The following PAWR variants were observed in gnomAD, a reference collection of about 807,000 sequenced individuals.
PAWR encodes PRKC apoptosis WT1 regulator protein.
Under a neutral mutation model 32.0 loss-of-function variants are expected in PAWR, and 23 were observed. The ratio of observed to expected loss-of-function variants is 0.72; its 90% CI spans 0.52 to 1.02. The LOEUF (loss-of-function observed/expected upper bound fraction) is 1.02, where lower values mean the gene tolerates loss of function less well. Ranked by LOEUF, PAWR falls within the 50% of genes least tolerant of loss-of-function variation. The pLI is 0.00. For missense variants in PAWR, 457 were observed against 437.7 expected (o/e 1.04, Z -0.39); for synonymous variants, 226 against 187.1 (o/e 1.21, Z -1.70).
At chr12:79,650,265 A>T (rs1876776468) in intron 2 of PAWR, among the ~76,000 whole-genome samples, 1 of 152,214 alleles carries the variant, frequency 6.6e-6, no homozygotes, top group Non-Finnish European at 1.5e-5. Context: ...GACACATTTT[A>T]AGCAAATTTT....
chr12:79,599,742 G>C (rs1185576186), intron 4 of PAWR, among the ~76,000 whole-genome samples: 1 of 152,134 alleles, frequency 6.6e-6, no homozygotes, highest in Non-Finnish European at 1.5e-5. Flanking sequence ...AGCTATCATG[G>C]TGTTGCTGGA....
rs80304600 is a variant in PAWR at position 79,645,967 on chromosome 12, T to A, written c.517-24760A>T. Among the ~76,000 whole-genome samples the A allele has an allele frequency of 3.3e-3, 509 of 152,320 alleles. 2 individuals are homozygous for A. The highest frequency in any genetic ancestry group is 0.011 in the African/African-American group (470 of 41,574). On this transcript the variant is annotated intron_variant, in intron 2 of 6. Transcript: ENST00000328827. ...ACTTTAGGCATGTCCCTCCATCTCCTGAGCCTCATTATCTTCAACCATTTT... is the reference window on the plus strand; with the variant it reads ...ACTTTAGGCATGTCCCTCCATCTCCAGAGCCTCATTATCTTCAACCATTTT...
At chr12:79,667,958 C>G (rs1877692561) in intron 2 of PAWR, 1 of 150,414 alleles carries the variant, frequency 6.6e-6, no homozygotes. Flanking sequence ...GGCTGGAGTG[C>G]AAAGGCACGA....
At position 79,585,494 on chromosome 12, in the gene PAWR, A is replaced by G. The variant is rs1197907575; in HGVS notation, c.*7113T>C. On this transcript the variant is annotated 3_prime_UTR_variant, in exon 7 of 7. Coordinates refer to ENST00000328827, the MANE Select transcript of PAWR (RefSeq NM_002583.4). ...AAGTATATCATAACATAAAACCACA[A>G]AACTTTGGACTCAAAGACTAGCTTT... 1 of 174,130 alleles carries G rather than the reference A, an allele frequency of 5.7e-6. No homozygotes were observed. Among genetic ancestry groups the G allele is most frequent in the African/African-American group, 2.4e-5 (1 of 41,658 alleles). The allele number at this position is 174,130 out of a possible 1,614,324, so 10.8% of individuals were successfully genotyped here.
chr12:79,636,656 C>T lies in PAWR; in HGVS notation c.517-15449G>A, dbSNP rs8176844. 4.9e-3 allele frequency among the ~76,000 whole-genome samples: 739 copies of T among 152,132 alleles called. 7 individuals carry two copies. Among genetic ancestry groups the T allele is most frequent in the African/African-American group, 0.017 (702 of 41,522 alleles). On this transcript the variant is annotated intron_variant, in intron 2 of 6. Coordinates refer to ENST00000328827, the MANE Select transcript of PAWR (RefSeq NM_002583.4). The stretch of plus-strand genomic sequence containing the variant: ...GTTTCACATTCCTTTCTCTACTTTC[C>T]CATTTGCTCTTTCTCATAAGTAGTA...
At chr12:79,602,766 G>C (rs535942152) in intron 4 of PAWR, among the ~76,000 whole-genome samples, 4 of 151,356 alleles carry the variant, frequency 2.6e-5, no homozygotes, top group African/African-American at 9.7e-5. Flanking sequence ...ACCATACCTG[G>C]CTAATTTTTT....
chr12:79,678,836 T>A (rs1878297197), intron 2 of PAWR, among the ~76,000 whole-genome samples: 1 of 150,942 alleles, frequency 6.6e-6, no homozygotes, highest in Non-Finnish European at 1.5e-5. Context: ...AAGCCTTTAT[T>A]GACTTCCTTA....
chr12:79,612,681 T>G (rs1323769330), intron 4 of PAWR, among the ~76,000 whole-genome samples: 1 of 152,210 alleles, frequency 6.6e-6, no homozygotes, highest in Non-Finnish European at 1.5e-5. Context: ...GAACTCTATG[T>G]AAAGCAATTT....
At chr12:79,612,300 T>C (rs1057430579) in intron 4 of PAWR, among the ~76,000 whole-genome samples, 4 of 152,168 alleles carry the variant, frequency 2.6e-5, no homozygotes, top group Admixed American at 6.5e-5. Context: ...TTAACTACTC[T>C]TCTGATTATC....
chr12:79,687,434 C>T (rs191812429), intron 2 of PAWR, among the ~76,000 whole-genome samples: 1 of 152,260 alleles, frequency 6.6e-6, no homozygotes, highest in Non-Finnish European at 1.5e-5. Context: ...ACCATTAAAA[C>T]CAGATCTCTA....
intron 4 of PAWR, chr12:79,604,580 T>C: frequency 7.8e-7 from 1 of 1,275,342 alleles, no homozygotes; most frequent in South Asian, 1.3e-5. Context: ...GTACAGGATA[T>C]ATTCTGAAAT....
chr12:79,616,800 C>T (rs1592503470), intron 3 of PAWR, among the ~76,000 whole-genome samples: 1 of 151,820 alleles, frequency 6.6e-6, no homozygotes. Context: ...TAGCTTGATA[C>T]AGTTGATAAA....
rs566689297 is a variant in PAWR, at chr12:79,619,248, ACTCGGGAGCCAC to A, written c.648+1816_648+1827del. Among the ~76,000 whole-genome samples the A allele has an allele frequency of 6.3e-3, 963 of 152,120 alleles. 6 individuals carry two copies. The highest frequency in any genetic ancestry group is 1.0e-2 in the Non-Finnish European group (680 of 68,004). The stretch of plus-strand genomic sequence containing the variant: ...TGTCTATGCTCCCTACCTATTAGTC[ACTCGGGAGCCAC>A]CTTGGTTATCAGACTGTTGTGGTAT... On this transcript the variant is annotated intron_variant, in intron 3 of 6. Transcript: ENST00000328827.
chr12:79,659,541 T>C (rs767574370), intron 2 of PAWR, among the ~76,000 whole-genome samples: 3 of 152,310 alleles, frequency 2.0e-5, no homozygotes, highest in South Asian at 2.1e-4. Flanking sequence ...TTAGCATACA[T>C]TGTCCGCACC....
chr12:79,680,970 C>T lies in PAWR; in HGVS notation c.516+8759G>A, dbSNP rs1212580487. 2.6e-5 allele frequency among the ~76,000 whole-genome samples: 4 copies of T among 151,444 alleles called. No individual in the cohort carries two copies. The South Asian group carries it at 8.4e-4, about 32-fold the overall frequency. On this transcript the variant is annotated intron_variant, in intron 2 of 6. Coordinates refer to ENST00000328827, the MANE Select transcript of PAWR (RefSeq NM_002583.4). ...CTCTACAAACAAATTAAAAAATTAG[C>T]CCAATGTGGTGGTGCAAGCCTGCAG...
Position 79,673,286 on chromosome 12 carries a change from GT to G in PAWR, c.516+16442del, listed in dbSNP as rs377592671. On this transcript the variant is annotated intron_variant, in intron 2 of 6. Coordinates refer to ENST00000328827, the MANE Select transcript of PAWR (RefSeq NM_002583.4). ...GGGTTTCACCGTGTTAGCCAGGATGGTCTTGATCTCCTGACCTCGTGATCTG... is the reference window on the plus strand; with the variant it reads ...GGGTTTCACCGTGTTAGCCAGGATGGCTTGATCTCCTGACCTCGTGATCTG... 4.1e-3 allele frequency among the ~76,000 whole-genome samples: 621 copies of G among 152,194 alleles called. 11 individuals are homozygous for G. The highest frequency in any genetic ancestry group is 0.014 in the African/African-American group (589 of 41,524).
At chr12:79,652,791 T>C (rs1876909933) in intron 2 of PAWR, among the ~76,000 whole-genome samples, 1 of 152,220 alleles carries the variant, frequency 6.6e-6, no homozygotes, top group Admixed American at 6.5e-5. Flanking sequence ...GATTTAGTAT[T>C]TGACAAAGAG....
intron 2 of PAWR, among the ~76,000 whole-genome samples, chr12:79,629,203 G>T (rs1056801804): frequency 1.3e-5 from 2 of 152,108 alleles, no homozygotes; most frequent in Non-Finnish European, 2.9e-5. Flanking sequence ...CTGAAAGGCA[G>T]AAGTTATAAT....
intron 2 of PAWR, among the ~76,000 whole-genome samples, chr12:79,642,948 G>A (rs1876399290): frequency 1.3e-5 from 2 of 152,136 alleles, no homozygotes; most frequent in African/African-American, 4.8e-5. Flanking sequence ...CTTCATTTGA[G>A]ACTAAAATTA....
Sources: allele counts gnomAD v4.1 joint callset (sites outside exome capture counted in the v4.1 genomes callset), GRCh38; gene constraint gnomAD v4.1.1; transcripts MANE v1.5; gene names NCBI Gene and HGNC (gene_info 2026-07-23, HGNC 2026-07-21).